ZNF208: variants seen among roughly 807,000 people sequenced by gnomAD.
ZNF208 encodes the protein zinc finger protein 95.
Under a neutral mutation model 12.1 loss-of-function variants are expected in ZNF208, and 10 were observed. The ratio of observed to expected loss-of-function variants is 0.83; its 90% CI spans 0.51 to 1.40. The LOEUF is 1.40. ZNF208 is among the 40% of genes most tolerant of loss of function. The pLI is 0.00. For missense variants in ZNF208, 1,652 were observed against 1,485.0 expected (o/e 1.11, Z -1.85); for synonymous variants, 497 against 488.4 (o/e 1.02, Z -0.23).
intron 1 of ZNF208, among the ~76,000 whole-genome samples, chr19:21,996,400 T>C (rs1356238808): frequency 6.6e-6 from 1 of 152,182 alleles, no homozygotes; most frequent in East Asian, 1.9e-4. Context: ...TAGTGTCCAG[T>C]GTAGAATTAT....
At chr19:22,002,114 T>C (rs1368419007) in intron 1 of ZNF208, among the ~76,000 whole-genome samples, 10 of 151,990 alleles carry the variant, frequency 6.6e-5, no homozygotes, top group Admixed American at 3.3e-4. Flanking sequence ...ATTATCTCAA[T>C]AGATGCACAA....
chr19:22,002,143 T>C (rs980362674), intron 1 of ZNF208, among the ~76,000 whole-genome samples: 3 of 152,052 alleles, frequency 2.0e-5, no homozygotes, highest in African/African-American at 7.2e-5. Context: ...CAATAAAATT[T>C]AACATTTTTC....
chr19:21,950,390 A>G (rs1969871328), intron 4 of ZNF208, among the ~76,000 whole-genome samples: 1 of 152,120 alleles, frequency 6.6e-6, no homozygotes, highest in Non-Finnish European at 1.5e-5. Context: ...TTTTTCATGA[A>G]ACCCCTAGAA....
intron 1 of ZNF208, among the ~76,000 whole-genome samples, chr19:22,000,210 TA>T (rs1970919591): frequency 6.6e-6 from 1 of 152,230 alleles, no homozygotes; most frequent in South Asian, 2.1e-4. Context: ...CAAACAGTCC[TA>T]ATAGACATCT....
At chr19:21,976,647 G>A (rs764300832) in intron 3 of ZNF208, among the ~76,000 whole-genome samples, 13 of 152,084 alleles carry the variant, frequency 8.5e-5, no homozygotes, top group Non-Finnish European at 1.9e-4. Context: ...TTGAACCTCT[G>A]CCTCCCAGGT....
At chr19:21,951,270 A>G (rs369243576) in intron 4 of ZNF208, among the ~76,000 whole-genome samples, 1 of 152,260 alleles carries the variant, frequency 6.6e-6, no homozygotes, top group Non-Finnish European at 1.5e-5. Context: ...GCACATAATT[A>G]AAACCACTTA....
chr19:21,997,789 T>G (rs1970865318), intron 1 of ZNF208: 1 of 152,934 alleles, frequency 6.5e-6, no homozygotes, highest in Non-Finnish European at 1.5e-5. Flanking sequence ...TACTGCTGGG[T>G]TTTAGCATGA....
intron 3 of ZNF208, among the ~76,000 whole-genome samples, chr19:21,982,016 A>G (rs1730382529): frequency 6.6e-6 from 1 of 152,158 alleles, no homozygotes; most frequent in Admixed American, 6.5e-5. Flanking sequence ...CTTCAAGGAG[A>G]ACTACAAACC....
In ZNF208 at chr19:21,974,595, G is replaced by A. The variant is rs530559517; in HGVS notation, c.439C>T (p.Arg147Cys). The A allele has an allele frequency of 9.8e-5, 158 of 1,613,594 alleles. 1 individual carries two copies. Among genetic ancestry groups the A allele is most frequent in the Middle Eastern group, 1.7e-4 (1 of 6,050 alleles). ...LTTTQSKVFQ[R>C]GKYANVFHKC... ...TGAAAGACATTTGCATATTTGCCAC[G>A]TTGAAATACTTTGCTCTGTGTAGTT... The change falls in exon 4 of 4, where the codon CGT becomes TGT. Residue 147 changes from arginine (R) to cysteine (C), a missense_variant. Coordinates refer to ENST00000397126, the MANE Select transcript of ZNF208 (RefSeq NM_007153.3).
intron 4 of ZNF208, among the ~76,000 whole-genome samples, chr19:21,953,928 G>A (rs1333816397): frequency 2.0e-5 from 3 of 152,076 alleles, no homozygotes; most frequent in African/African-American, 7.2e-5. Context: ...TGTGATTGTA[G>A]CATGTCAATT....
At chr19:21,959,067 G>A (rs1353089049) in intron 4 of ZNF208, among the ~76,000 whole-genome samples, 6 of 151,644 alleles carry the variant, frequency 4.0e-5, no homozygotes, top group Non-Finnish European at 7.4e-5. Flanking sequence ...GGGTGACAGA[G>A]ACTCAGTCTC....
chr19:22,008,003 T>TAA (rs139821713), intron 1 of ZNF208, among the ~76,000 whole-genome samples: 3,231 of 99,100 alleles, frequency 0.033, 150 homozygotes, highest in African/African-American at 0.09. Context: ...AGCACTGTCT[T>TAA]AAAAAAAAAA....
chr19:22,009,161 T>C (rs1971099565), intron 1 of ZNF208, among the ~76,000 whole-genome samples: 1 of 152,172 alleles, frequency 6.6e-6, no homozygotes, highest in African/African-American at 2.4e-5. Context: ...TCAAATGCTT[T>C]GTCAAAAAAT....
In ZNF208 at chr19:21,971,935, T is replaced by C. The variant is rs1308803292; in HGVS notation, c.3099A>G (p.Glu1033=). 2 of 1,576,804 alleles carry C rather than the reference T, an allele frequency of 1.3e-6. No individual in the cohort carries two copies. Among genetic ancestry groups the C allele is most frequent in the Middle Eastern group, 1.7e-4 (1 of 5,886 alleles). ...HTGETPYKCE[E]CDKAFSWPSS... Reference sequence around the variant, plus strand: ...AGGGCCAGCTGAAGGCTTTGTCACATTCTTCACATTTGTAGGGTGTCTCTC... The same window carrying C: ...AGGGCCAGCTGAAGGCTTTGTCACACTCTTCACATTTGTAGGGTGTCTCTC... The change falls in exon 4 of 4, where the codon GAA becomes GAG. Residue 1033 remains glutamate, a synonymous_variant. Coordinates refer to ENST00000397126, the MANE Select transcript of ZNF208 (RefSeq NM_007153.3).
intron 4 of ZNF208, among the ~76,000 whole-genome samples, chr19:21,944,136 C>T (rs1969783344): frequency 6.6e-6 from 1 of 152,180 alleles, no homozygotes; most frequent in Non-Finnish European, 1.5e-5. Context: ...TTCCCTCAGT[C>T]TTTTCTGGGA....
intron 4 of ZNF208, chr19:21,941,348 T>TCTTA: frequency 2.5e-6 from 1 of 398,828 alleles, no homozygotes; most frequent in South Asian, 1.3e-4. Context: ...CGGAAACTAA[T>TCTTA]CTTAGTGACA....
At chr19:21,954,292 GAGA>G (rs1305279697) in intron 4 of ZNF208, among the ~76,000 whole-genome samples, 2 of 152,338 alleles carry the variant, frequency 1.3e-5, no homozygotes, top group South Asian at 2.1e-4. Context: ...ATGTGGTGCT[GAGA>G]AGAATCTATA....
chr19:21,967,243 TAC>T lies in ZNF208; in HGVS notation c.*3946_*3947del, dbSNP rs1227511583. 6.6e-6 allele frequency: 1 copy of T among 152,058 alleles called. No homozygotes were observed. Among genetic ancestry groups the T allele is most frequent in the Non-Finnish European group, 1.5e-5 (1 of 68,004 alleles). 9.4% of individuals were successfully genotyped at this position (152,058 alleles called of 1,614,324 possible). A position where few individuals can be genotyped will look rare whatever the true frequency, so the allele number is the denominator to read the frequency against. On this transcript the variant is annotated 3_prime_UTR_variant, in exon 4 of 4. Coordinates refer to ENST00000397126, the MANE Select transcript of ZNF208 (RefSeq NM_007153.3). ...GTTTTTTTTTTATAGAAAAAGGTAG[TAC>T]AGTTTTCTTCCACATATGACTAACC...
intron 3 of ZNF208, among the ~76,000 whole-genome samples, chr19:21,986,540 TTC>T (rs1474735491): frequency 2.6e-5 from 4 of 152,022 alleles, no homozygotes; most frequent in Admixed American, 6.6e-5. Context: ...TGCCTATCAA[TTC>T]AAAGAATAAA....
Sources: gnomAD v4.1 joint callset for allele counts (sites outside exome capture counted in the v4.1 genomes callset) on GRCh38, gnomAD v4.1.1 for gene constraint, MANE v1.5 for transcripts, NCBI Gene and HGNC (gene_info 2026-07-23, HGNC 2026-07-21) for gene names.